FGF10: variants seen among roughly 807,000 people sequenced by gnomAD.
The protein encoded by FGF10 is FGF-10.
A neutral mutation model predicts 19.8 loss-of-function variants in FGF10; 2 were observed. The ratio of observed to expected loss-of-function variants is 0.10; its 90% CI spans 0.04 to 0.32. FGF10 has a LOEUF of 0.32. Among genes scored for constraint, FGF10 ranks in the 10% least tolerant of loss-of-function variants. The probability of loss-of-function intolerance (pLI) is 1.00; values close to 1 mark genes in which losing one functional copy is unlikely to be tolerated. For synonymous variants in FGF10, 112 were observed against 94.0 expected (o/e 1.19, Z -1.10); for missense variants, 191 against 246.3 (o/e 0.78, Z 1.50).
chr5:44,388,550 C>G lies in FGF10; in HGVS notation c.133G>C (p.Val45Leu). 6.2e-7 allele frequency: 1 copy of G among 1,614,126 alleles called. No individual in the cohort carries two copies. Among genetic ancestry groups the G allele is most frequent in the Non-Finnish European group, 8.5e-7 (1 of 1,180,030 alleles). ...VTCQALGQDM[V>L]SPEATNSSSS... is the part of the protein sequence containing the mutation. ...GAAGAGTTGGTGGCCTCTGGTGACA[C>G]CATGTCCTGACCAAGGGCTTGGCAG... The change falls in exon 1 of 3, where the codon GTG becomes CTG. Residue 45 changes from valine to leucine, a missense_variant. Transcript: ENST00000264664.
chr5:44,306,199 C>A (rs570001357), intron 2 of FGF10, among the ~76,000 whole-genome samples: 1 of 152,164 alleles, frequency 6.6e-6, no homozygotes, highest in Non-Finnish European at 1.5e-5. Flanking sequence ...AGTTCAAGAC[C>A]AGCCTGGCCA....
At chr5:44,350,228 T>C (rs927826134) in intron 1 of FGF10, among the ~76,000 whole-genome samples, 4 of 150,706 alleles carry the variant, frequency 2.7e-5, no homozygotes, top group African/African-American at 9.7e-5. Context: ...TAAACTAAGA[T>C]ATAACTAGAA....
chr5:44,349,813 G>A (rs542891235), intron 1 of FGF10, among the ~76,000 whole-genome samples: 1 of 151,158 alleles, frequency 6.6e-6, no homozygotes, highest in African/African-American at 2.4e-5. Flanking sequence ...CATAGTCTTT[G>A]GATTCCTACA....
intron 1 of FGF10, among the ~76,000 whole-genome samples, chr5:44,318,716 T>C (rs1740413504): frequency 6.6e-6 from 1 of 152,136 alleles, no homozygotes; most frequent in African/African-American, 2.4e-5. Flanking sequence ...AGAAGCCAAC[T>C]TACTACCTAG....
chr5:44,351,438 G>T (rs1741229905), intron 1 of FGF10, among the ~76,000 whole-genome samples: 1 of 151,494 alleles, frequency 6.6e-6, no homozygotes, highest in Non-Finnish European at 1.5e-5. Context: ...CCATTTGATA[G>T]AATCTTTTTT....
In FGF10 at chr5:44,305,901, T is replaced by C. The variant is rs116511074; in HGVS notation, c.430-709A>G. On this transcript the variant is annotated intron_variant, in intron 2 of 2. Coordinates refer to ENST00000264664, the MANE Select transcript of FGF10 (RefSeq NM_004465.2). ...TTGAAGAAATTATGAGCATGGTGAATAGCAATGCCTACATTGTATCTTAAG... is the reference window on the plus strand; with the variant it reads ...TTGAAGAAATTATGAGCATGGTGAACAGCAATGCCTACATTGTATCTTAAG... Among the ~76,000 whole-genome samples, 694 of 152,296 alleles carry C rather than the reference T, an allele frequency of 4.6e-3. 5 individuals are homozygous for C. Among genetic ancestry groups the C allele is most frequent in the Non-Finnish European group, 7.6e-3 (518 of 68,026 alleles).
At chr5:44,352,379 A>C (rs2111827433) in intron 1 of FGF10, among the ~76,000 whole-genome samples, 1 of 151,716 alleles carries the variant, frequency 6.6e-6, no homozygotes, top group South Asian at 2.1e-4. Flanking sequence ...CAGAGGTAGC[A>C]TGACCCTTAC....
intron 1 of FGF10, among the ~76,000 whole-genome samples, chr5:44,371,646 C>T (rs1156437230): frequency 1.3e-5 from 2 of 152,084 alleles, no homozygotes; most frequent in African/African-American, 4.8e-5. Context: ...CTGTATCAAA[C>T]AACCAAAGCC....
At chr5:44,365,888 C>A (rs934884617) in intron 1 of FGF10, among the ~76,000 whole-genome samples, 1 of 151,870 alleles carries the variant, frequency 6.6e-6, no homozygotes, top group African/African-American at 2.4e-5. Flanking sequence ...TACAAAAATA[C>A]ATGTAAATAT....
chr5:44,349,371 A>T (rs567039827), intron 1 of FGF10, among the ~76,000 whole-genome samples: 7 of 135,896 alleles, frequency 5.2e-5, no homozygotes, highest in African/African-American at 1.6e-4. Flanking sequence ...TGTGGTCTTA[A>T]TACTTTTAAC....
At chr5:44,387,504 G>T (rs912817324) in intron 1 of FGF10, among the ~76,000 whole-genome samples, 4 of 152,140 alleles carry the variant, frequency 2.6e-5, no homozygotes, top group Admixed American at 2.0e-4. Context: ...ATTTGTGTGA[G>T]GTCTGTGTGA....
At chr5:44,377,296 C>T (rs1741888593) in intron 1 of FGF10, among the ~76,000 whole-genome samples, 1 of 152,198 alleles carries the variant, frequency 6.6e-6, no homozygotes, top group Non-Finnish European at 1.5e-5. Context: ...GCTCTTCCAA[C>T]TCCCTGTGAT....
At chr5:44,373,837 T>C (rs1579941384) in intron 1 of FGF10, among the ~76,000 whole-genome samples, 1 of 152,138 alleles carries the variant, frequency 6.6e-6, no homozygotes, top group Admixed American at 6.6e-5. Flanking sequence ...GGTTTCTTTA[T>C]CATGTGCTTC....
At chr5:44,309,361 T>A (rs1448809989) in intron 2 of FGF10, among the ~76,000 whole-genome samples, 1 of 152,196 alleles carries the variant, frequency 6.6e-6, no homozygotes, top group Non-Finnish European at 1.5e-5. Context: ...TATACTCCTG[T>A]CATCATTCAA....
chr5:44,331,217 A>C (rs1740729481), intron 1 of FGF10, among the ~76,000 whole-genome samples: 1 of 152,044 alleles, frequency 6.6e-6, no homozygotes, highest in Non-Finnish European at 1.5e-5. Context: ...TAGTGCTTAA[A>C]ATTTTTGTGC....
At chr5:44,318,181 C>A (rs192018485) in intron 1 of FGF10, among the ~76,000 whole-genome samples, 1 of 151,932 alleles carries the variant, frequency 6.6e-6, no homozygotes, top group African/African-American at 2.4e-5. Context: ...GGATAAATTG[C>A]GGGAAATGGT....
At chr5:44,368,698 T>C (rs1741675679) in intron 1 of FGF10, among the ~76,000 whole-genome samples, 1 of 152,058 alleles carries the variant, frequency 6.6e-6, no homozygotes, top group South Asian at 2.1e-4. Context: ...TGAGACAGGG[T>C]CTCACTCTTG....
At chr5:44,385,096 A>T (rs1742068788) in intron 1 of FGF10, among the ~76,000 whole-genome samples, 1 of 152,144 alleles carries the variant, frequency 6.6e-6, no homozygotes. Context: ...AAGAATGATA[A>T]AACAAAACCT....
intron 1 of FGF10, among the ~76,000 whole-genome samples, chr5:44,378,170 CT>C (rs1463605126): frequency 6.6e-6 from 1 of 152,088 alleles, no homozygotes; most frequent in Non-Finnish European, 1.5e-5. Context: ...ATGGGAGGGT[CT>C]TTTTTCCCCT....
Sources: allele counts gnomAD v4.1 joint callset (sites outside exome capture counted in the v4.1 genomes callset), GRCh38; gene constraint gnomAD v4.1.1; transcripts MANE v1.5; gene names NCBI Gene and HGNC (gene_info 2026-07-23, HGNC 2026-07-21).